MAML3: variants seen among roughly 807,000 people sequenced by gnomAD.
MAML3 encodes the protein mastermind like transcriptional coactivator 3, also known as mastermind-like protein 3.
MAML3 carries 27 observed loss-of-function variants against 101.9 expected under a neutral mutation model. The ratio of observed to expected loss-of-function variants is 0.27; its 90% CI spans 0.20 to 0.37. The LOEUF (loss-of-function observed/expected upper bound fraction) is 0.37, where lower values mean the gene tolerates loss of function less well. MAML3 is among the 10% of genes least tolerant of loss of function. MAML3 has a pLI of 1.00. For synonymous variants in MAML3, 501 were observed against 555.9 expected, an observed-to-expected ratio of 0.90 and a Z score of 1.39; for missense variants, 1,316 against 1,444.9, an observed-to-expected ratio of 0.91 and a Z score of 1.45.
At chr4:139,888,508 T>C (rs1371175352) in intron 2 of MAML3, 19 of 518,556 alleles carry the variant, frequency 3.7e-5, no homozygotes, top group Middle Eastern at 3.2e-4. Context: ...AGAACAAATG[T>C]TATATTAAAG....
At chr4:140,097,633 G>GAA (rs34536317) in intron 1 of MAML3, among the ~76,000 whole-genome samples, 38 of 146,706 alleles carry the variant, frequency 2.6e-4, no homozygotes, top group Non-Finnish European at 3.5e-4. Flanking sequence ...AGAGTGGCCA[G>GAA]AAAAAAAAAA....
chr4:139,877,230 C>T (rs1157914870), intron 2 of MAML3, among the ~76,000 whole-genome samples: 1 of 152,080 alleles, frequency 6.6e-6, no homozygotes, highest in Non-Finnish European at 1.5e-5. Context: ...TCTCTATGTA[C>T]TAGATCCGCT....
chr4:140,025,672 C>G (rs1284190548), intron 1 of MAML3, among the ~76,000 whole-genome samples: 1 of 152,130 alleles, frequency 6.6e-6, no homozygotes, highest in Non-Finnish European at 1.5e-5. Context: ...GAAACACAGC[C>G]ACGGTGCCAA....
chr4:139,878,663 G>T (rs182970781), intron 2 of MAML3, among the ~76,000 whole-genome samples: 27 of 152,270 alleles, frequency 1.8e-4, no homozygotes, highest in African/African-American at 6.0e-4. Flanking sequence ...GTCTGGAAAT[G>T]GAATGAAGTT....
chr4:139,719,215 G>GCTT lies in MAML3; in HGVS notation c.*107_*108insAAG. 7.4e-7 allele frequency: 1 copy of GCTT among 1,351,074 alleles called. No homozygotes were observed. The highest frequency in any genetic ancestry group is 9.9e-7 in the Non-Finnish European group (1 of 1,013,098). The allele number at this position is 1,351,074 out of a possible 1,614,324, so 83.7% of individuals were successfully genotyped here. A position where few individuals can be genotyped will look rare whatever the true frequency, so the allele number is the denominator to read the frequency against. On this transcript the variant is annotated 3_prime_UTR_variant, in exon 5 of 5. Coordinates refer to ENST00000509479, the MANE Select transcript of MAML3 (RefSeq NM_018717.5). Reference sequence around the variant, plus strand: ...TGTCAGCCAGCTGCAGTTTTGCTCAGTTTACGTGGGTCAAAAAAACAAAAA... The same window carrying GCTT: ...TGTCAGCCAGCTGCAGTTTTGCTCAGCTTTTTACGTGGGTCAAAAAAACAAAAA...
intron 1 of MAML3, among the ~76,000 whole-genome samples, chr4:140,099,936 A>C (rs548766995): frequency 4.6e-5 from 7 of 152,202 alleles, no homozygotes; most frequent in Non-Finnish European, 1.0e-4. Flanking sequence ...TCCCTGTCAC[A>C]AATCCTCCTA....
rs1730292992 is a variant in MAML3, at chr4:139,785,620, C to CT, written c.2080-54954dup. ...CACGAACAATATGGCTCCCCAGCGCCTGGGGCACTGCATGGAGAGATCTGT... is the reference window on the plus strand; with the variant it reads ...CACGAACAATATGGCTCCCCAGCGCCTTGGGGCACTGCATGGAGAGATCTGT... On this transcript the variant is annotated intron_variant, in intron 2 of 4. Coordinates refer to ENST00000509479, the MANE Select transcript of MAML3 (RefSeq NM_018717.5). The surrounding 1 kb of genome is among the most constrained non-coding windows in gnomAD (Gnocchi z 4.3). Among the ~76,000 whole-genome samples, 1 of 152,242 alleles carries CT rather than the reference C, an allele frequency of 6.6e-6. No individual in the cohort carries two copies. Among genetic ancestry groups the CT allele is most frequent in the African/African-American group, 2.4e-5 (1 of 41,532 alleles).
At chr4:140,130,782 G>A (rs915975956) in intron 1 of MAML3, among the ~76,000 whole-genome samples, 1 of 152,128 alleles carries the variant, frequency 6.6e-6, no homozygotes, top group African/African-American at 2.4e-5. Flanking sequence ...TGATGAAATA[G>A]TCAATATTAT....
chr4:139,881,625 G>A (rs1435575372), intron 2 of MAML3, among the ~76,000 whole-genome samples: 1 of 152,146 alleles, frequency 6.6e-6, no homozygotes, highest in Non-Finnish European at 1.5e-5. Flanking sequence ...CTTCTTTTAT[G>A]AAAGAAAGAA....
chr4:139,746,173 T>C (rs1729313288), intron 2 of MAML3, among the ~76,000 whole-genome samples: 3 of 152,252 alleles, frequency 2.0e-5, no homozygotes, highest in Admixed American at 2.0e-4. Flanking sequence ...GTCTTATTGC[T>C]AAATCTTGTT....
At chr4:139,736,272 T>C (rs1394117173) in intron 2 of MAML3, among the ~76,000 whole-genome samples, 1 of 152,226 alleles carries the variant, frequency 6.6e-6, no homozygotes, top group African/African-American at 2.4e-5. Flanking sequence ...AGAGGCTTTC[T>C]CCTGCAAAGA....
chr4:140,149,163 C>G (rs1288348581), intron 1 of MAML3, among the ~76,000 whole-genome samples: 1 of 152,196 alleles, frequency 6.6e-6, no homozygotes, highest in Non-Finnish European at 1.5e-5. Flanking sequence ...GCCATCTTTT[C>G]AACTGAGGCT....
chr4:139,882,051 G>A (rs1232452206), intron 2 of MAML3, among the ~76,000 whole-genome samples: 1 of 152,214 alleles, frequency 6.6e-6, no homozygotes, highest in East Asian at 1.9e-4. Context: ...GGATAAATTA[G>A]AGTATAGAAA....
intron 1 of MAML3, among the ~76,000 whole-genome samples, chr4:139,986,021 T>C (rs560780592): frequency 3.9e-5 from 6 of 152,382 alleles, no homozygotes; most frequent in South Asian, 2.1e-4. Context: ...CATCCTCTTT[T>C]GCAGATATCT....
chr4:139,816,572 G>T (rs1053806924), intron 2 of MAML3, among the ~76,000 whole-genome samples: 12 of 152,164 alleles, frequency 7.9e-5, no homozygotes, highest in African/African-American at 1.4e-4. Flanking sequence ...GGGTCACCAA[G>T]GTCCTAATTC....
intron 2 of MAML3, among the ~76,000 whole-genome samples, chr4:139,801,670 GTGTGTGTGTGTC>G (rs1179466284): frequency 6.6e-3 from 119 of 18,058 alleles, no homozygotes; most frequent in Middle Eastern, 0.025. Context: ...GTGTGTGTGT[GTGTGTGTGTGTC>G]TGTGTGTGTG....
At chr4:140,061,467 A>G (rs777523047) in intron 1 of MAML3, among the ~76,000 whole-genome samples, 2 of 152,222 alleles carry the variant, frequency 1.3e-5, no homozygotes, top group Non-Finnish European at 1.5e-5. Flanking sequence ...AAGTTCTGGT[A>G]TGAAAGAATT....
intron 2 of MAML3, among the ~76,000 whole-genome samples, chr4:139,805,845 T>TA (rs930628975): frequency 1.3e-5 from 2 of 152,152 alleles, no homozygotes; most frequent in African/African-American, 4.8e-5. Flanking sequence ...AATGGAATAC[T>TA]ATGCGAGCGG....
intron 3 of MAML3, among the ~76,000 whole-genome samples, chr4:139,727,270 T>C (rs1728510302): frequency 6.6e-6 from 1 of 152,236 alleles, no homozygotes; most frequent in South Asian, 2.1e-4. Context: ...CTGTTGAAAT[T>C]AATTGATTGT....
Sources: gnomAD v4.1 joint callset for allele counts (sites outside exome capture counted in the v4.1 genomes callset) on GRCh38, gnomAD v4.1.1 for gene constraint, Gnocchi (gnomAD v3.1) non-coding constraint, MANE v1.5 for transcripts, NCBI Gene and HGNC (gene_info 2026-07-23, HGNC 2026-07-21) for gene names.